Variants in SCN9A observed in about 807,000 individuals in gnomAD.
SCN9A encodes the protein sodium channel protein type 9 subunit alpha.
A neutral mutation model predicts 187.0 loss-of-function variants in SCN9A; 131 were observed. The observed-to-expected ratio is 0.70, with a 90% confidence interval of 0.61 to 0.81. The LOEUF is 0.81. Among genes scored for constraint, SCN9A ranks in the 30% least tolerant of loss-of-function variants. The probability of loss-of-function intolerance (pLI) is 0.00; values close to 1 mark genes in which losing one functional copy is unlikely to be tolerated. For synonymous variants in SCN9A, 809 were observed against 808.6 expected (o/e 1.00, Z -0.01); for missense variants, 2,252 against 2,396.6 (o/e 0.94, Z 1.26).
chr2:166,229,817 C>A (rs919299283), intron 21 of SCN9A, among the ~76,000 whole-genome samples: 22 of 152,262 alleles, frequency 1.4e-4, no homozygotes, highest in Admixed American at 9.2e-4. Flanking sequence ...TCATCCAGGG[C>A]AATTCCTGTG....
intron 1 of SCN9A, among the ~76,000 whole-genome samples, chr2:166,344,362 C>G (rs1311277081): frequency 6.6e-6 from 1 of 151,960 alleles, no homozygotes; most frequent in Non-Finnish European, 1.5e-5. Context: ...AAAAAAGATA[C>G]CATTAACTAT....
At position 166,251,877 on chromosome 2, in the gene SCN9A, G is replaced by A; in HGVS notation, c.3360C>T (p.Asn1120=). The A allele has an allele frequency of 6.2e-7, 1 of 1,612,158 alleles. No homozygotes were observed. The highest frequency in any genetic ancestry group is 8.5e-7 in the Non-Finnish European group (1 of 1,178,914). ...TGCTGCACTCTGAGGAGCTTGACCG[G>A]TTTAATCTCTAGAAAGGAATTCACC... is the stretch of plus-strand genomic sequence containing the variant. ...SDSEYSKVRL[N]RSSSSECSTV... Residue 1120 remains asparagine, a synonymous_variant, in exon 18 of 27, where the codon AAC becomes AAT. Coordinates refer to ENST00000642356, the MANE Select transcript of SCN9A (RefSeq NM_001365536.1).
chr2:166,300,387 A>G (rs1482503594), intron 7 of SCN9A, among the ~76,000 whole-genome samples: 2 of 150,716 alleles, frequency 1.3e-5, no homozygotes, highest in East Asian at 3.9e-4. Flanking sequence ...CACTTAAACT[A>G]TTTTATGGCT....
At chr2:166,309,676 C>A (rs1351051365) in intron 2 of SCN9A, among the ~76,000 whole-genome samples, 2 of 149,818 alleles carry the variant, frequency 1.3e-5, no homozygotes, top group African/African-American at 5.0e-5. Flanking sequence ...CCATACTGCC[C>A]AAGGTAATTT....
At chr2:166,223,409 A>G (rs946902820) in intron 24 of SCN9A, among the ~76,000 whole-genome samples, 2 of 152,226 alleles carry the variant, frequency 1.3e-5, no homozygotes, top group Non-Finnish European at 2.9e-5. Context: ...TCAGCCTTAT[A>G]AAGAAGGAAA....
intron 19 of SCN9A, among the ~76,000 whole-genome samples, 158 bp downstream of exon 19, chr2:166,242,344 A>G (rs1027635733): frequency 2.0e-5 from 3 of 152,118 alleles, no homozygotes; most frequent in African/African-American, 7.2e-5. Flanking sequence ...AGGAGTGCTC[A>G]GTAACTATTT....
Position 166,281,678 on chromosome 2 carries a change from C to T in SCN9A, c.2104+1G>A. ...TACAGTAAAAGAAGATTATTACATA[C>T]CTTCCACAGTGTTTGTTAATATGCT... is the stretch of plus-strand genomic sequence containing the variant. On this transcript the variant is annotated splice_donor_variant, in intron 13 of 26. Transcript: ENST00000642356. LOFTEE classifies it high-confidence loss of function. The T allele has an allele frequency of 6.2e-7, 1 of 1,612,290 alleles. No homozygotes were observed. Among genetic ancestry groups the T allele is most frequent in the Non-Finnish European group, 8.5e-7 (1 of 1,178,984 alleles).
chr2:166,309,098 A>G (rs186806270), intron 2 of SCN9A, among the ~76,000 whole-genome samples: 1 of 152,194 alleles, frequency 6.6e-6, no homozygotes, highest in Non-Finnish European at 1.5e-5. Flanking sequence ...CAGATATCAT[A>G]CAGAAAAATA....
intron 24 of SCN9A, among the ~76,000 whole-genome samples, chr2:166,222,988 G>A (rs1328134937): frequency 1.4e-5 from 1 of 70,846 alleles, no homozygotes; most frequent in South Asian, 4.3e-4. Flanking sequence ...ACAAAAAACC[G>A]TAAAGAGATA....
chr2:166,373,168 A>G (rs1407095918), intron 1 of SCN9A, among the ~76,000 whole-genome samples: 1 of 152,210 alleles, frequency 6.6e-6, no homozygotes, highest in African/African-American at 2.4e-5. Flanking sequence ...GAGCACCTTA[A>G]TGAGAAGAGA....
At chr2:166,306,393 T>G in intron 4 of SCN9A, 117 bp downstream of exon 4, 1 of 696,442 alleles carries the variant, frequency 1.4e-6, no homozygotes, top group Non-Finnish European at 2.6e-6. Flanking sequence ...AGCAAGCATA[T>G]AACATGGGAA....
rs4369876 is a variant in SCN9A at position 166,272,746 on chromosome 2, C to A, written c.3004G>T (p.Val1002Leu). The change falls in exon 17 of 27, where the codon GTG (valine) becomes TTG (leucine). Residue 1002 changes from valine to leucine, a missense_variant. Coordinates refer to ENST00000642356, the MANE Select transcript of SCN9A (RefSeq NM_001365536.1). ...VTRIKKGINY[V>L]KQTLREFILK... ...ATAAATTCACGTAAGGTTTGTTTCA[C>A]ATAATTTATTCCCTTTTTAATTCTA... 14,707 of 1,563,390 alleles carry A rather than the reference C, an allele frequency of 9.4e-3. 899 individuals are homozygous for A. The Admixed American group carries it at 0.15, about 16-fold the overall frequency.
intron 17 of SCN9A, among the ~76,000 whole-genome samples, chr2:166,271,310 T>G (rs1470104894): frequency 6.6e-6 from 1 of 152,150 alleles, no homozygotes. Context: ...TGTATTAACG[T>G]GTTAATTCAT....
At chr2:166,234,787 G>A (rs1695241928) in intron 20 of SCN9A, among the ~76,000 whole-genome samples, 1 of 151,732 alleles carries the variant, frequency 6.6e-6, no homozygotes, top group South Asian at 2.1e-4. Flanking sequence ...TTGAATGTTT[G>A]TCCCTTTTGA....
intron 7 of SCN9A, among the ~76,000 whole-genome samples, chr2:166,297,172 A>G (rs1241670144): frequency 3.2e-5 from 4 of 126,440 alleles, no homozygotes; most frequent in South Asian, 2.8e-4. Context: ...ATTCCAGCCT[A>G]GGCGACAGAG....
intron 1 of SCN9A, among the ~76,000 whole-genome samples, chr2:166,370,627 T>A (rs1203675625): frequency 6.6e-6 from 1 of 152,122 alleles, no homozygotes; most frequent in Non-Finnish European, 1.5e-5. Context: ...CACATAAAAT[T>A]TTTATTAAAA....
chr2:166,255,501 A>G (rs1203194617), intron 17 of SCN9A, among the ~76,000 whole-genome samples: 13 of 151,114 alleles, frequency 8.6e-5, no homozygotes, highest in Admixed American at 4.6e-4. Flanking sequence ...TATTGTTCCA[A>G]GAGGTGTGAG....
rs769348510 is a variant in SCN9A at position 166,279,888 on chromosome 2, A to G, written c.2343+469T>C. Among the ~76,000 whole-genome samples the G allele has an allele frequency of 6.4e-4, 98 of 152,246 alleles. 1 individual carries two copies. The highest frequency in any genetic ancestry group is 7.5e-4 in the Non-Finnish European group (51 of 67,996). ...AGAGTTAAAATATTTGTCCAAGGGCATATCACTCATATAATGCAGAATCAG... is the reference window on the plus strand; with the variant it reads ...AGAGTTAAAATATTTGTCCAAGGGCGTATCACTCATATAATGCAGAATCAG... On this transcript the variant is annotated intron_variant, in intron 14 of 26. Transcript: ENST00000642356.
At chr2:166,304,450 C>CT in intron 5 of SCN9A, 121 bp from the exon 6 acceptor site, 2 of 790,970 alleles carry the variant, frequency 2.5e-6, no homozygotes, top group Non-Finnish European at 4.0e-6. Context: ...TTCTGCAAGT[C>CT]TTTTTTGCTA....
Sources: gnomAD v4.1 joint callset for allele counts (sites outside exome capture counted in the v4.1 genomes callset) on GRCh38, gnomAD v4.1.1 for gene constraint, MANE v1.5 for transcripts, NCBI Gene and HGNC (gene_info 2026-07-23, HGNC 2026-07-21) for gene names.